The following ZDHHC18 variants were observed in gnomAD, a reference collection of about 807,000 sequenced individuals.
ZDHHC18 encodes palmitoyltransferase ZDHHC18.
A neutral mutation model predicts 37.5 loss-of-function variants in ZDHHC18; 23 were observed. The observed-to-expected ratio is 0.61, with a 90% confidence interval of 0.44 to 0.87. The LOEUF (loss-of-function observed/expected upper bound fraction) is 0.87, where lower values mean the gene tolerates loss of function less well. ZDHHC18 is among the 40% of genes least tolerant of loss of function. The probability of loss-of-function intolerance (pLI) is 0.00; values close to 1 mark genes in which losing one functional copy is unlikely to be tolerated. For missense variants in ZDHHC18, 406 were observed against 525.6 expected, an observed-to-expected ratio of 0.77 and a Z score of 2.22; for synonymous variants, 185 against 218.7, an observed-to-expected ratio of 0.85 and a Z score of 1.36.
intron 2 of ZDHHC18, among the ~76,000 whole-genome samples, chr1:26,834,073 T>G (rs1473328760): frequency 6.6e-6 from 1 of 152,178 alleles, no homozygotes; most frequent in East Asian, 1.9e-4. Context: ...TGACCTGGGC[T>G]GGCCCACCTG....
Position 26,854,151 on chromosome 1 carries a change from T to A in ZDHHC18, c.*308T>A. 3.0e-6 allele frequency: 1 copy of A among 337,216 alleles called. No homozygotes were observed. Among genetic ancestry groups the A allele is most frequent in the Non-Finnish European group, 5.6e-6 (1 of 177,552 alleles). The allele number at this position is 337,216 out of a possible 1,614,324, so 20.9% of individuals were successfully genotyped here. ...CTGTGCCGGGCGAGCCCTGTGTGAG[T>A]GAGGCTGTGAACTGAGCGTGAGGCC... On this transcript the variant is annotated 3_prime_UTR_variant, in exon 8 of 8. Transcript: ENST00000374142. The surrounding 1 kb of genome is among the most constrained non-coding windows in gnomAD (Gnocchi z 4.6).
intron 2 of ZDHHC18, among the ~76,000 whole-genome samples, chr1:26,846,272 A>ATGTGAGTGTG (rs2081664773): frequency 1.2e-5 from 1 of 84,932 alleles, no homozygotes; most frequent in Non-Finnish European, 2.1e-5. Context: ...ATAGAGATAT[A>ATGTGAGTGTG]TGTGTGTGTG....
In ZDHHC18 at chr1:26,850,475, G is replaced by T. The variant is rs1485707071; in HGVS notation, c.784+37G>T. 3 of 1,614,216 alleles carry T rather than the reference G, an allele frequency of 1.9e-6. No individual in the cohort carries two copies. Among genetic ancestry groups the T allele is most frequent in the African/African-American group, 2.7e-5 (2 of 75,064 alleles). ...GTGAGGGCAGTGGGGAGTGGAAGGG[G>T]TCAGCCAGCAAGCTCAAGGGTCAGC... On this transcript the variant is annotated intron_variant, in intron 4 of 7. Coordinates refer to ENST00000374142, the MANE Select transcript of ZDHHC18 (RefSeq NM_032283.3). The surrounding 1 kb of genome is among the most constrained non-coding windows in gnomAD (Gnocchi z 6.1).
At chr1:26,832,350 G>A in intron 1 of ZDHHC18, 97 bp from the exon 2 acceptor site, 1 of 1,491,646 alleles carries the variant, frequency 6.7e-7, no homozygotes, top group Non-Finnish European at 9.2e-7. Context: ...GATTTTGGTG[G>A]TGGTTGTTGG....
rs1364577115 is a variant in ZDHHC18 at position 26,826,803 on chromosome 1, G to C, written c.-2G>C. On this transcript the variant is annotated 5_prime_UTR_variant, in exon 1 of 8. Transcript: ENST00000374142. This position sits in a 1 kb window ranked among gnomAD's most constrained non-coding sequence, Gnocchi z 5.2. ...GCGGAGCCGAGGCCCGCGGCTGGCT[G>C]CATGAAGGACTGCGAGTACCAGCAG... 5.3e-5 allele frequency: 52 copies of C among 980,666 alleles called. No homozygotes were observed. The highest frequency in any genetic ancestry group is 6.3e-5 in the Non-Finnish European group (52 of 827,982). The allele number at this position is 980,666 out of a possible 1,614,324, so 60.7% of individuals were successfully genotyped here.
intron 1 of ZDHHC18, 60 bp downstream of exon 1, chr1:26,827,199 A>G (rs2124242313): frequency 3.2e-6 from 4 of 1,237,994 alleles, no homozygotes; most frequent in East Asian, 3.2e-5. Flanking sequence ...CACCTTCCCA[A>G]TCCCTGCTGG....
intron 2 of ZDHHC18, among the ~76,000 whole-genome samples, chr1:26,836,294 CT>C (rs1228050349): frequency 1.3e-5 from 2 of 152,182 alleles, no homozygotes; most frequent in African/African-American, 2.4e-5. Flanking sequence ...TCCAGGACGT[CT>C]CTGCCCACTT....
At position 26,856,319 on chromosome 1, in the gene ZDHHC18, C is replaced by T. The variant is rs2081733958; in HGVS notation, c.*2476C>T. On this transcript the variant is annotated 3_prime_UTR_variant, in exon 8 of 8. Coordinates refer to ENST00000374142, the MANE Select transcript of ZDHHC18 (RefSeq NM_032283.3). The surrounding 1 kb of genome is among the most constrained non-coding windows in gnomAD (Gnocchi z 5.2). ...TGCCCGCTCCCCTCACACACCATCT[C>T]ATCCTCATCGCATGCCTCGCCAACC... is the stretch of plus-strand genomic sequence containing the variant. 1 of 411,022 alleles carries T rather than the reference C, an allele frequency of 2.4e-6. No homozygotes were observed. The highest frequency in any genetic ancestry group is 5.2e-6 in the Non-Finnish European group (1 of 192,914). 25.5% of individuals were successfully genotyped at this position (411,022 alleles called of 1,614,324 possible).
In ZDHHC18 at chr1:26,851,609, G is replaced by A. The variant is rs371652628; in HGVS notation, c.936+378G>A. 5.9e-5 allele frequency among the ~76,000 whole-genome samples: 9 copies of A among 152,356 alleles called. No homozygotes were observed. The East Asian group carries it at 1.7e-3, about 29-fold the overall frequency. ...CCAAGCCTGAGGCAGAAAGGACAGG[G>A]ATGTTTTTTCCCCATTCGATGACTG... On this transcript the variant is annotated intron_variant, in intron 6 of 7. Transcript: ENST00000374142.
At chr1:26,844,039 TG>T (rs2081651420) in intron 2 of ZDHHC18, among the ~76,000 whole-genome samples, 1 of 152,110 alleles carries the variant, frequency 6.6e-6, no homozygotes, top group African/African-American at 2.4e-5. Context: ...TTACACAATT[TG>T]TTTTGTTTTG....
chr1:26,851,093 C>T (rs1279286869), intron 5 of ZDHHC18, 36 bp from the exon 6 acceptor site: 1 of 1,575,634 alleles, frequency 6.3e-7, no homozygotes, highest in South Asian at 1.1e-5. Context: ...GGAGGCTCCC[C>T]ACCCTCCACC....
At position 26,832,440 on chromosome 1, in the gene ZDHHC18, G is replaced by T. The variant is rs773074631; in HGVS notation, c.336-7G>T. On this transcript the variant is annotated splice_polypyrimidine_tract_variant and splice_region_variant and intron_variant, in intron 1 of 7. Transcript: ENST00000374142. ...GTCTGCTGATCTCTCTCCATCTCTCGTTCTAGCTGTCCCTACCTGGCTCGC... is the reference window on the plus strand; with the variant it reads ...GTCTGCTGATCTCTCTCCATCTCTCTTTCTAGCTGTCCCTACCTGGCTCGC... 2.5e-6 allele frequency: 4 copies of T among 1,613,958 alleles called. No homozygotes were observed. The Admixed American group carries it at 6.7e-5, about 27-fold the overall frequency.
chr1:26,845,453 C>T (rs2081659196), intron 2 of ZDHHC18, among the ~76,000 whole-genome samples: 1 of 147,424 alleles, frequency 6.8e-6, no homozygotes, highest in Non-Finnish European at 1.5e-5. Flanking sequence ...ATGCCTCAGC[C>T]TCTTGAGTAG....
At chr1:26,841,070 G>A (rs1484515516) in intron 2 of ZDHHC18, among the ~76,000 whole-genome samples, 4 of 152,116 alleles carry the variant, frequency 2.6e-5, no homozygotes, top group Non-Finnish European at 4.4e-5. Flanking sequence ...TCTGCCTCCC[G>A]GGTTCAAGTG....
chr1:26,847,809 A>C (rs1173169814), intron 2 of ZDHHC18, among the ~76,000 whole-genome samples: 4 of 151,752 alleles, frequency 2.6e-5, no homozygotes, highest in African/African-American at 4.8e-5. Flanking sequence ...AGCCTCCCAA[A>C]GTGCTGGGAT....
intron 7 of ZDHHC18, 65 bp from the exon 8 acceptor site, chr1:26,853,661 C>T: frequency 1.3e-6 from 2 of 1,494,886 alleles, no homozygotes; most frequent in Non-Finnish European, 1.9e-6. Context: ...CTCTGCCGTC[C>T]AACCCCTGGC....
At chr1:26,853,034 C>G (rs568709021) in intron 7 of ZDHHC18, 169 bp downstream of exon 7, 1 of 591,552 alleles carries the variant, frequency 1.7e-6, no homozygotes, top group East Asian at 2.9e-5. Flanking sequence ...GTTATTTAAT[C>G]ACGTGCTCAT....
chr1:26,827,170 AG>A, intron 1 of ZDHHC18, 31 bp downstream of exon 1: 10 of 1,153,950 alleles, frequency 8.7e-6, no homozygotes, highest in East Asian at 1.0e-4. Flanking sequence ...GCCCCCTCCC[AG>A]CCCCCTGCCG....
chr1:26,833,576 C>T (rs1340476279), intron 2 of ZDHHC18, among the ~76,000 whole-genome samples: 2 of 152,130 alleles, frequency 1.3e-5, no homozygotes, highest in Non-Finnish European at 2.9e-5. Flanking sequence ...ACCCTGTGCT[C>T]CCAGGCAGCC....
Sources: gnomAD v4.1 joint callset for allele counts (sites outside exome capture counted in the v4.1 genomes callset) on GRCh38, gnomAD v4.1.1 for gene constraint, Gnocchi (gnomAD v3.1) non-coding constraint, MANE v1.5 for transcripts, NCBI Gene and HGNC (gene_info 2026-07-23, HGNC 2026-07-21) for gene names.